Variants in CNTN3 observed in about 807,000 individuals in gnomAD.
The protein encoded by CNTN3 is contactin-3.
A neutral mutation model predicts 119.1 loss-of-function variants in CNTN3; 60 were observed. The observed-to-expected ratio is 0.50, with a 90% confidence interval of 0.41 to 0.62. The LOEUF (loss-of-function observed/expected upper bound fraction) is 0.62, where lower values mean the gene tolerates loss of function less well. Ranked by LOEUF, CNTN3 falls within the 20% of genes least tolerant of loss-of-function variation. CNTN3 has a pLI of 0.00. For synonymous variants in CNTN3, 450 were observed against 438.7 expected, an observed-to-expected ratio of 1.03 and a Z score of -0.32; for missense variants, 1,101 against 1,242.4, an observed-to-expected ratio of 0.89 and a Z score of 1.71.
At chr3:74,558,092 CCT>C (rs1704098257) in intron 1 of CNTN3, among the ~76,000 whole-genome samples, 1 of 152,154 alleles carries the variant, frequency 6.6e-6, no homozygotes, top group Admixed American at 6.6e-5. Context: ...ATTGTATCTC[CCT>C]CTTTAGGGAT....
chr3:74,413,984 G>A (rs1457950046), intron 5 of CNTN3, among the ~76,000 whole-genome samples: 1 of 152,106 alleles, frequency 6.6e-6, no homozygotes, highest in Non-Finnish European at 1.5e-5. Context: ...GGGGTGAGGT[G>A]CCAAGCAGTG....
intron 1 of CNTN3, among the ~76,000 whole-genome samples, chr3:74,534,929 C>T (rs1046413349): frequency 7.9e-5 from 12 of 151,898 alleles, no homozygotes; most frequent in Non-Finnish European, 1.8e-4. Flanking sequence ...ATGGTATGCA[C>T]ATAAATTGGT....
chr3:74,381,642 C>G (rs1432032550), intron 5 of CNTN3, among the ~76,000 whole-genome samples: 1 of 152,044 alleles, frequency 6.6e-6, no homozygotes, highest in Admixed American at 6.6e-5. Context: ...TTTATTCCTA[C>G]CCCCCTACAC....
intron 2 of CNTN3, among the ~76,000 whole-genome samples, chr3:74,508,931 C>T (rs1261134770): frequency 6.6e-6 from 1 of 152,070 alleles, no homozygotes; most frequent in Non-Finnish European, 1.5e-5. Context: ...AAAGTATAAG[C>T]ATCTTAAAAA....
intron 5 of CNTN3, among the ~76,000 whole-genome samples, chr3:74,397,034 T>C (rs1374337864): frequency 1.3e-5 from 2 of 152,256 alleles, no homozygotes; most frequent in East Asian, 1.9e-4. Context: ...TAGCCAGAGA[T>C]GAGAAATCAA....
intron 1 of CNTN3, among the ~76,000 whole-genome samples, chr3:74,580,157 C>T (rs1704480802): frequency 1.3e-5 from 2 of 152,108 alleles, no homozygotes; most frequent in African/African-American, 2.4e-5. Context: ...ATATAAAGAA[C>T]AAATTACTTC....
At chr3:74,544,453 C>A (rs1170139397) in intron 1 of CNTN3, among the ~76,000 whole-genome samples, 1 of 152,164 alleles carries the variant, frequency 6.6e-6, no homozygotes. Flanking sequence ...ATATCTTCAG[C>A]TTATCCAGAG....
chr3:74,413,869 C>T (rs1222700074), intron 5 of CNTN3, among the ~76,000 whole-genome samples: 2 of 152,178 alleles, frequency 1.3e-5, no homozygotes, highest in African/African-American at 4.8e-5. Flanking sequence ...TTCTGAAATT[C>T]CCTCCCCACA....
chr3:74,274,556 A>G (rs1375268233), intron 20 of CNTN3, among the ~76,000 whole-genome samples: 2 of 152,164 alleles, frequency 1.3e-5, no homozygotes, highest in Admixed American at 1.3e-4. Flanking sequence ...AGACATAAAC[A>G]ATCACTACAG....
At chr3:74,453,020 G>T (rs1455276437) in intron 4 of CNTN3, among the ~76,000 whole-genome samples, 1 of 151,768 alleles carries the variant, frequency 6.6e-6, no homozygotes, top group African/African-American at 2.4e-5. Context: ...TCAGGATGAT[G>T]CTAGCCTCAT....
intron 4 of CNTN3, among the ~76,000 whole-genome samples, chr3:74,443,352 G>C (rs1043525205): frequency 6.6e-6 from 1 of 152,068 alleles, no homozygotes; most frequent in African/African-American, 2.4e-5. Flanking sequence ...GTCCAAACAT[G>C]CTGCTTATGC....
At chr3:74,386,611 C>T (rs1415171883) in intron 5 of CNTN3, among the ~76,000 whole-genome samples, 1 of 152,132 alleles carries the variant, frequency 6.6e-6, no homozygotes, top group East Asian at 1.9e-4. Flanking sequence ...ACAATTAAAA[C>T]ACATGACTAA....
chr3:74,284,681 G>T (rs1288272853), intron 20 of CNTN3, among the ~76,000 whole-genome samples: 1 of 152,182 alleles, frequency 6.6e-6, no homozygotes, highest in East Asian at 1.9e-4. Context: ...TGGAACATTA[G>T]CAAATTGTAA....
At chr3:74,568,671 C>A (rs1704263772) in intron 1 of CNTN3, among the ~76,000 whole-genome samples, 2 of 152,206 alleles carry the variant, frequency 1.3e-5, no homozygotes, top group Admixed American at 1.3e-4. Context: ...GTCAGCCTTA[C>A]AACAAGCCCA....
chr3:74,477,601 G>T (rs566986198), intron 4 of CNTN3, among the ~76,000 whole-genome samples: 2 of 152,170 alleles, frequency 1.3e-5, no homozygotes, highest in African/African-American at 4.8e-5. Flanking sequence ...ATTAGGGGTG[G>T]TTAGGGAGGT....
intron 13 of CNTN3, among the ~76,000 whole-genome samples, chr3:74,307,127 T>C (rs1702581086): frequency 6.6e-6 from 1 of 152,090 alleles, no homozygotes; most frequent in Admixed American, 6.6e-5. Context: ...CTAAGGTAGG[T>C]AAGAACACGG....
chr3:74,379,252 T>C (rs1259027862), intron 5 of CNTN3, among the ~76,000 whole-genome samples: 1 of 152,074 alleles, frequency 6.6e-6, no homozygotes, highest in African/African-American at 2.4e-5. Flanking sequence ...GCCTCGTGGG[T>C]TCAAGTGATT....
chr3:74,604,102 T>C (rs908272531), intron 1 of CNTN3, among the ~76,000 whole-genome samples: 2 of 152,130 alleles, frequency 1.3e-5, no homozygotes, highest in African/African-American at 4.8e-5. Context: ...TTGGGACAAC[T>C]AGATTTATGC....
chr3:74,304,646 G>C (rs532275353), intron 13 of CNTN3, among the ~76,000 whole-genome samples: 3 of 152,282 alleles, frequency 2.0e-5, no homozygotes, highest in African/African-American at 7.2e-5. Flanking sequence ...GAAAAGTTTG[G>C]TGGTGGACTT....
Sources: gnomAD v4.1 joint callset for allele counts (sites outside exome capture counted in the v4.1 genomes callset) on GRCh38, gnomAD v4.1.1 for gene constraint, MANE v1.5 for transcripts, NCBI Gene and HGNC (gene_info 2026-07-23, HGNC 2026-07-21) for gene names.